The following B4GALT1 variants were observed in gnomAD, a reference collection of about 807,000 sequenced individuals.
B4GALT1 encodes beta-1,4-galactosyltransferase 1, also known as N-acetyllactosamine synthase.
Under a neutral mutation model 34.9 loss-of-function variants are expected in B4GALT1, and 16 were observed. The ratio of observed to expected loss-of-function variants is 0.46; its 90% confidence interval spans 0.31 to 0.70. The LOEUF (loss-of-function observed/expected upper bound fraction) is 0.70, where lower values mean the gene tolerates loss of function less well. Ranked by LOEUF, B4GALT1 falls within the 30% of genes least tolerant of loss-of-function variation. The pLI, the probability that B4GALT1 is intolerant of heterozygous loss-of-function variation, is 0.05. For missense variants in B4GALT1, 445 were observed against 530.5 expected (o/e 0.84, Z 1.58); for synonymous variants, 221 against 218.1 (o/e 1.01, Z -0.12).
Position 33,157,063 on chromosome 9 carries a change from T to TACACACACACACACACACACACACACAC in B4GALT1, c.412+9667_412+9694dup, listed in dbSNP as rs371027641. Among the ~76,000 whole-genome samples the TACACACACACACACACACACACACACAC allele has an allele frequency of 3.1e-3, 268 of 87,300 alleles. 24 individuals carry two copies. Among genetic ancestry groups the TACACACACACACACACACACACACACAC allele is most frequent in the East Asian group, 0.011 (21 of 1,870 alleles). The allele number at this position is 87,300 out of a possible 152,430, so 57.3% of individuals were successfully genotyped here. Reference sequence around the variant, plus strand: ...CCACATGGTGTCCAGCATAGGGAACTACACACACACACACACACACACACA... The same window carrying TACACACACACACACACACACACACACAC: ...CCACATGGTGTCCAGCATAGGGAACTACACACACACACACACACACACACACACACACACACACACACACACACACACA... On this transcript the variant is annotated intron_variant, in intron 1 of 5. Transcript: ENST00000379731.
At position 33,111,904 on chromosome 9, in the gene B4GALT1, CAGG is replaced by C. The variant is rs1283975601; in HGVS notation, c.*1547_*1549del. ...GCACCTGTGAAAACCTGAGGTGGAA[CAGG>C]AGGCTTTAGGCACCGAAGTTCTTGG... On this transcript the variant is annotated 3_prime_UTR_variant, in exon 6 of 6. Coordinates refer to ENST00000379731, the MANE Select transcript of B4GALT1 (RefSeq NM_001497.4). 3 of 152,794 alleles carry C rather than the reference CAGG, an allele frequency of 2.0e-5. No homozygotes were observed. The highest frequency in any genetic ancestry group is 3.9e-4 in the East Asian group (2 of 5,188). The allele number at this position is 152,794 out of a possible 1,614,324, so 9.5% of individuals were successfully genotyped here. A position where few individuals can be genotyped will look rare whatever the true frequency, so the allele number is the denominator to read the frequency against.
At chr9:33,149,919 C>A (rs1032089603) in intron 1 of B4GALT1, among the ~76,000 whole-genome samples, 2 of 152,128 alleles carry the variant, frequency 1.3e-5, no homozygotes, top group Non-Finnish European at 2.9e-5. Flanking sequence ...AGAGACATGA[C>A]AACTGAATAC....
In B4GALT1 at chr9:33,147,993, C is replaced by T. The variant is rs116887921; in HGVS notation, c.413-12569G>A. On this transcript the variant is annotated intron_variant, in intron 1 of 5. Coordinates refer to ENST00000379731, the MANE Select transcript of B4GALT1 (RefSeq NM_001497.4). ...AGGCCACAATGAGTCATGATCATACCACTGCACTCCAGTCTGGGTGACAGA... is the reference window on the plus strand; with the variant it reads ...AGGCCACAATGAGTCATGATCATACTACTGCACTCCAGTCTGGGTGACAGA... Among the ~76,000 whole-genome samples, 1,436 of 152,118 alleles carry T rather than the reference C, an allele frequency of 9.4e-3. 14 individuals carry two copies. Among genetic ancestry groups the T allele is most frequent in the Non-Finnish European group, 0.016 (1,061 of 68,006 alleles).
downstream of B4GALT1, among the ~76,000 whole-genome samples, chr9:33,109,626 G>C (rs923584206): frequency 6.6e-6 from 1 of 152,212 alleles, no homozygotes; most frequent in Non-Finnish European, 1.5e-5. Flanking sequence ...GACACAGCAA[G>C]GCCCTGTATC....
At chr9:33,171,135 C>T (rs1587758608), upstream of B4GALT1, among the ~76,000 whole-genome samples, 3 of 152,250 alleles carry the variant, frequency 2.0e-5, no homozygotes, top group Non-Finnish European at 4.4e-5. Context: ...TCATCTATTG[C>T]AGCGTAACAC....
intron 2 of B4GALT1, among the ~76,000 whole-genome samples, chr9:33,121,546 T>TA (rs1840021195): frequency 7.1e-6 from 1 of 141,284 alleles, no homozygotes. Context: ...TTTTTTTTTT[T>TA]AATTTTCAGT....
intron 1 of B4GALT1, among the ~76,000 whole-genome samples, chr9:33,149,526 T>C (rs941877593): frequency 1.3e-5 from 2 of 152,074 alleles, no homozygotes; most frequent in African/African-American, 4.8e-5. Context: ...CTCAAGCAAT[T>C]TGCCCGCCTC....
At chr9:33,134,660 A>AT (rs1240944255) in intron 2 of B4GALT1, among the ~76,000 whole-genome samples, 2 of 152,198 alleles carry the variant, frequency 1.3e-5, no homozygotes, top group Non-Finnish European at 1.5e-5. Flanking sequence ...CCCAGTCCAC[A>AT]TAACTCTCAG....
chr9:33,136,779 G>A (rs116302696), intron 1 of B4GALT1, among the ~76,000 whole-genome samples: 41 of 152,326 alleles, frequency 2.7e-4, no homozygotes, highest in African/African-American at 9.9e-4. Context: ...GAACAGGTAG[G>A]AACACCAACC....
At chr9:33,173,434 CTA>C in the B4GALT1 span, among the ~76,000 whole-genome samples, 1 of 147,230 alleles carries the variant, frequency 6.8e-6, no homozygotes, top group Non-Finnish European at 1.5e-5. Context: ...AAAAAAGCAA[CTA>C]TATATAGATG....
Position 33,167,141 on chromosome 9 carries a change from C to G in B4GALT1, c.29G>C (p.Gly10Ala). The stretch of plus-strand genomic sequence containing the variant: ...GGACGCGCCTGGCATCGCGGCGCTG[C>G]CGCTCAGGAGCGGCTCCCGAAGCCT... The part of the protein sequence containing the change: MRLREPLLS[G>A]SAAMPGASLQ... Residue 10 changes from glycine to alanine, a missense_variant, in exon 1 of 6, where the codon GGC becomes GCC. Coordinates refer to ENST00000379731, the MANE Select transcript of B4GALT1 (RefSeq NM_001497.4). The G allele has an allele frequency of 6.2e-7, 1 of 1,601,698 alleles. No homozygotes were observed. The highest frequency in any genetic ancestry group is 1.1e-5 in the South Asian group (1 of 90,168).
rs749745120 is a variant in B4GALT1 at position 33,166,800 on chromosome 9, C to T, written c.370G>A (p.Ala124Thr). 4 of 1,537,544 alleles carry T rather than the reference C, an allele frequency of 2.6e-6. No homozygotes were observed. The highest frequency in any genetic ancestry group is 1.2e-5 in the South Asian group (1 of 81,078). The change falls in exon 1 of 6, where the codon GCA (alanine) becomes ACA (threonine). Residue 124 changes from alanine (A) to threonine (T), a missense_variant. Physicochemically the swap from Ala to Thr is moderately conservative, Grantham distance 58. This residue lies in a region of B4GALT1 where 349 missense variants were observed against 395.5 expected (regional missense o/e 0.88). Coordinates refer to ENST00000379731, the MANE Select transcript of B4GALT1 (RefSeq NM_001497.4). ...LTSVPVPHTT[A>T]LSLPACPEES... is the part of the protein sequence containing the mutation. Reference sequence around the variant, plus strand: ...TCAGGGCAGGCGGGCAGCGACAGTGCGGTGGTGTGGGGCACTGGGACCGAG... The same window carrying T: ...TCAGGGCAGGCGGGCAGCGACAGTGTGGTGGTGTGGGGCACTGGGACCGAG...
intron 2 of B4GALT1, among the ~76,000 whole-genome samples, chr9:33,124,445 T>C (rs1187904852): frequency 6.6e-6 from 1 of 152,176 alleles, no homozygotes; most frequent in Non-Finnish European, 1.5e-5. Flanking sequence ...GTTCCCTCTT[T>C]TGTGTTATGG....
chr9:33,150,262 ACACAGAGC>A (rs1289808773), intron 1 of B4GALT1, among the ~76,000 whole-genome samples: 1 of 150,858 alleles, frequency 6.6e-6, no homozygotes, highest in Non-Finnish European at 1.5e-5. Flanking sequence ...ACACACACAC[ACACAGAGC>A]GAGAGAGAGA....
intron 4 of B4GALT1, among the ~76,000 whole-genome samples, chr9:33,114,375 G>A (rs115374003): frequency 6.6e-4 from 101 of 152,322 alleles, no homozygotes; most frequent in African/African-American, 2.0e-3. Context: ...AGGGAGCAAC[G>A]TAAGCTCCTG....
intron 1 of B4GALT1, among the ~76,000 whole-genome samples, chr9:33,137,391 GGAA>G (rs1248223940): frequency 6.6e-6 from 1 of 152,188 alleles, no homozygotes; most frequent in Non-Finnish European, 1.5e-5. Context: ...TCTGGGGCAG[GGAA>G]GAAGATCCTC....
intron 4 of B4GALT1, 43 bp downstream of exon 4, chr9:33,115,948 G>A: frequency 6.3e-7 from 1 of 1,596,034 alleles, no homozygotes; most frequent in Non-Finnish European, 8.6e-7. Flanking sequence ...AACTGGAAGT[G>A]AAGGTTGACA....
intron 1 of B4GALT1, among the ~76,000 whole-genome samples, chr9:33,160,633 G>A (rs1052802102): frequency 4.6e-5 from 7 of 152,112 alleles, no homozygotes; most frequent in East Asian, 1.9e-4. Context: ...CAGGCATGGC[G>A]GTGTGCACCT....
chr9:33,178,255 G>T, the B4GALT1 span, among the ~76,000 whole-genome samples: 1 of 152,112 alleles, frequency 6.6e-6, no homozygotes, highest in East Asian at 1.9e-4. Context: ...GCCTCCCAAA[G>T]TGCTGGGATT....
Sources: gnomAD v4.1 joint callset for allele counts (sites outside exome capture counted in the v4.1 genomes callset) on GRCh38, gnomAD v4.1.1 for gene constraint, gnomAD v4.1.1 regional missense constraint, MANE v1.5 for transcripts, NCBI Gene and HGNC (gene_info 2026-07-23, HGNC 2026-07-21) for gene names.